Variants in ZFPM2 observed in about 807,000 individuals in gnomAD.
ZFPM2 encodes zinc finger protein, FOG family member 2.
In ZFPM2, 20 loss-of-function variants were observed where a neutral mutation model predicts 98.6. That is an observed-to-expected ratio of 0.20 (90% CI 0.14 to 0.29). The LOEUF (loss-of-function observed/expected upper bound fraction) is 0.29, where lower values mean the gene tolerates loss of function less well. Among genes scored for constraint, ZFPM2 ranks in the 10% least tolerant of loss-of-function variants. The pLI is 1.00. For missense variants in ZFPM2, 1,310 were observed against 1,388.6 expected, an observed-to-expected ratio of 0.94 and a Z score of 0.90; for synonymous variants, 518 against 502.7, an observed-to-expected ratio of 1.03 and a Z score of -0.41.
chr8:105,677,111 A>G (rs1267665071), intron 5 of ZFPM2, among the ~76,000 whole-genome samples: 1 of 152,088 alleles, frequency 6.6e-6, no homozygotes, highest in African/African-American at 2.4e-5. Context: ...TACATCAAAT[A>G]TGCTCCCATA....
At chr8:105,695,964 AC>A (rs1370086248) in intron 5 of ZFPM2, among the ~76,000 whole-genome samples, 1 of 152,150 alleles carries the variant, frequency 6.6e-6, no homozygotes, top group Non-Finnish European at 1.5e-5. Flanking sequence ...TCTTTGTCTT[AC>A]TTTTCATGTT....
At chr8:105,580,412 G>GA (rs1363120531) in intron 4 of ZFPM2, among the ~76,000 whole-genome samples, 3 of 151,980 alleles carry the variant, frequency 2.0e-5, no homozygotes, top group Non-Finnish European at 4.4e-5. Flanking sequence ...CTTTTTCTAG[G>GA]AAAAATACAA....
intron 1 of ZFPM2, among the ~76,000 whole-genome samples, chr8:105,325,558 T>G (rs1481540018): frequency 6.6e-6 from 1 of 151,832 alleles, no homozygotes; most frequent in East Asian, 1.9e-4. Context: ...GACTCTCTGA[T>G]CGTCATGGCA....
intron 2 of ZFPM2, among the ~76,000 whole-genome samples, chr8:105,443,810 T>C (rs1812314556): frequency 6.6e-6 from 1 of 152,162 alleles, no homozygotes; most frequent in Non-Finnish European, 1.5e-5. Flanking sequence ...TTAGCGAGCA[T>C]AAAGCTGGGG....
chr8:105,631,202 A>AT (rs1816748649), intron 4 of ZFPM2, among the ~76,000 whole-genome samples: 1 of 152,168 alleles, frequency 6.6e-6, no homozygotes, highest in South Asian at 2.1e-4. Context: ...AAAAATGTTT[A>AT]TTGGCTTCCC....
chr8:105,365,651 A>G (rs76154547), intron 1 of ZFPM2, among the ~76,000 whole-genome samples: 4,665 of 152,210 alleles, frequency 0.031, 239 homozygotes, highest in African/African-American at 0.1. Flanking sequence ...GCAAAATATA[A>G]TGTGGAAAGC....
intron 4 of ZFPM2, among the ~76,000 whole-genome samples, chr8:105,587,298 A>AG (rs1362706035): frequency 1.3e-5 from 2 of 150,830 alleles, no homozygotes; most frequent in Non-Finnish European, 3.0e-5. Context: ...AAAAAAAAAA[A>AG]GCTTTGGACT....
chr8:105,444,884 T>A (rs909593891), intron 3 of ZFPM2, among the ~76,000 whole-genome samples: 3 of 152,146 alleles, frequency 2.0e-5, no homozygotes, highest in African/African-American at 7.2e-5. Context: ...ATTTTAATGA[T>A]CTTGACATTT....
rs71305176 is a variant in ZFPM2, at chr8:105,669,536, ATGTG to A, written c.532+35205_532+35208del. On this transcript the variant is annotated intron_variant, in intron 5 of 7. Coordinates refer to ENST00000407775, the MANE Select transcript of ZFPM2 (RefSeq NM_012082.4). ...TCTCTATTTTAAGCTGAAAGTGTGCATGTGTGTGTGTGTGTGTGTGTGTGTGTGT... is the reference window on the plus strand; with the variant it reads ...TCTCTATTTTAAGCTGAAAGTGTGCATGTGTGTGTGTGTGTGTGTGTGTGT... Among the ~76,000 whole-genome samples, 218 of 139,136 alleles carry A rather than the reference ATGTG, an allele frequency of 1.6e-3. 1 individual carries two copies. Among genetic ancestry groups the A allele is most frequent in the Admixed American group, 4.9e-3 (69 of 14,136 alleles). 91.3% of individuals were successfully genotyped at this position (139,136 alleles called of 152,430 possible).
At chr8:105,442,284 C>T (rs1426427478) in intron 2 of ZFPM2, among the ~76,000 whole-genome samples, 2 of 152,070 alleles carry the variant, frequency 1.3e-5, no homozygotes, top group Non-Finnish European at 2.9e-5. Context: ...GTGGAGCTTG[C>T]AGTGAGCCGA....
At chr8:105,651,257 G>C (rs3779772) in intron 5 of ZFPM2, among the ~76,000 whole-genome samples, 72,346 of 151,784 alleles carry the variant, frequency 0.48, 17,518 homozygotes, top group African/African-American at 0.56. Context: ...ATCTGTTACT[G>C]CTCTTCCCCA....
chr8:105,789,889 A>C (rs915762827), intron 6 of ZFPM2, among the ~76,000 whole-genome samples: 2 of 149,990 alleles, frequency 1.3e-5, no homozygotes, highest in African/African-American at 4.9e-5. Flanking sequence ...TCTTCTTTTG[A>C]GAAGTGTCTG....
chr8:105,538,459 C>G (rs2130617361), intron 3 of ZFPM2, among the ~76,000 whole-genome samples: 1 of 152,220 alleles, frequency 6.6e-6, no homozygotes, highest in African/African-American at 2.4e-5. Flanking sequence ...AATGTCGTTA[C>G]TATCTCTTTG....
intron 5 of ZFPM2, among the ~76,000 whole-genome samples, chr8:105,705,804 C>A (rs1013555458): frequency 6.6e-6 from 1 of 152,124 alleles, no homozygotes; most frequent in Non-Finnish European, 1.5e-5. Context: ...AGCGTCAAAA[C>A]TCAGTTCTTT....
At chr8:105,743,040 A>G (rs1448577178) in intron 5 of ZFPM2, among the ~76,000 whole-genome samples, 1 of 152,154 alleles carries the variant, frequency 6.6e-6, no homozygotes, top group African/African-American at 2.4e-5. Flanking sequence ...AAGCAGTGAT[A>G]GTATGGTAAT....
chr8:105,414,427 A>G (rs1355548584), intron 1 of ZFPM2, among the ~76,000 whole-genome samples: 1 of 152,098 alleles, frequency 6.6e-6, no homozygotes, highest in Non-Finnish European at 1.5e-5. Flanking sequence ...TTCCATTTAT[A>G]GTAGGCTACC....
rs114402786 is a variant in ZFPM2 at position 105,725,626 on chromosome 8, G to A, written c.533-63092G>A. On this transcript the variant is annotated intron_variant, in intron 5 of 7. Coordinates refer to ENST00000407775, the MANE Select transcript of ZFPM2 (RefSeq NM_012082.4). ...CCCAAATTCATGCTGTGTCATTTGA[G>A]CAATGGTCTAATTTTCTGTTTAAAT... Among the ~76,000 whole-genome samples, 253 of 151,832 alleles carry A rather than the reference G, an allele frequency of 1.7e-3. 1 individual carries two copies. Among genetic ancestry groups the A allele is most frequent in the African/African-American group, 5.8e-3 (241 of 41,478 alleles).
Position 105,802,799 on chromosome 8 carries a change from A to G in ZFPM2, c.2717A>G (p.Asp906Gly). ...PNPESERNSPDVSYERSIIKC... is the reference protein window; with the variant it reads ...PNPESERNSPGVSYERSIIKC... ...CCAGAAAGCGAACGAAACAGCCCTG[A>G]TGTCAGCTACGAAAGAAGCATAATA... Residue 906 changes from aspartate (D) to glycine (G), a missense_variant, in exon 8 of 8, where the codon GAT (aspartate) becomes GGT (glycine). Asp to Gly is a moderately conservative substitution (Grantham distance 94). Coordinates refer to ENST00000407775, the MANE Select transcript of ZFPM2 (RefSeq NM_012082.4). 6.2e-7 allele frequency: 1 copy of G among 1,613,690 alleles called. No homozygotes were observed. The highest frequency in any genetic ancestry group is 8.5e-7 in the Non-Finnish European group (1 of 1,179,812).
At chr8:105,434,746 CAAG>C (rs1398546381) in intron 2 of ZFPM2, among the ~76,000 whole-genome samples, 2 of 152,104 alleles carry the variant, frequency 1.3e-5, no homozygotes, top group Non-Finnish European at 2.9e-5. Flanking sequence ...CACTCCTAGT[CAAG>C]AAAGTTCAAT....
Sources: gnomAD v4.1 joint callset for allele counts (sites outside exome capture counted in the v4.1 genomes callset) on GRCh38, gnomAD v4.1.1 for gene constraint, MANE v1.5 for transcripts, NCBI Gene and HGNC (gene_info 2026-07-23, HGNC 2026-07-21) for gene names.